The following PTK7 variants were observed in gnomAD, a reference collection of about 807,000 sequenced individuals.
PTK7 encodes protein tyrosine kinase 7 (inactive).
Under a neutral mutation model 116.6 loss-of-function variants are expected in PTK7, and 39 were observed. That is an observed-to-expected ratio of 0.33 (90% CI 0.26 to 0.44). The LOEUF is 0.44. Ranked by LOEUF, PTK7 falls within the 20% of genes least tolerant of loss-of-function variation. The pLI is 1.00. For synonymous variants in PTK7, 546 were observed against 563.6 expected, an observed-to-expected ratio of 0.97 and a Z score of 0.44; for missense variants, 1,169 against 1,425.6, an observed-to-expected ratio of 0.82 and a Z score of 2.90.
At chr6:43,159,539 T>C (rs1771711480) in intron 18 of PTK7, 1 of 559,852 alleles carries the variant, frequency 1.8e-6, no homozygotes, top group African/African-American at 1.9e-5. Flanking sequence ...TATTAACTTT[T>C]CTGTTAACAT....
intron 1 of PTK7, among the ~76,000 whole-genome samples, chr6:43,115,927 CAA>C (rs886959744): frequency 1.5e-4 from 4 of 27,330 alleles, no homozygotes; most frequent in African/African-American, 1.6e-4. Flanking sequence ...GACTCCATCT[CAA>C]AAAAAAAAAA....
chr6:43,121,897 T>C (rs1417302561), intron 1 of PTK7, among the ~76,000 whole-genome samples: 1 of 152,196 alleles, frequency 6.6e-6, no homozygotes, highest in Non-Finnish European at 1.5e-5. Context: ...CCTAGCACTT[T>C]GGGAGGCTGA....
At position 43,158,917 on chromosome 6, in the gene PTK7, A is replaced by G; in HGVS notation, c.2822A>G (p.Gln941Arg). Residue 941 changes from glutamine to arginine, a missense_variant, in exon 18 of 20, where the codon CAG (glutamine) becomes CGG (arginine). Transcript: ENST00000230419. ...LAARNCLVSA[Q>R]RQVKVSALGL... Reference sequence around the variant, plus strand: ...GCGCGTAACTGCCTGGTCAGTGCCCAGAGACAAGTGAAGGTGTCTGCCCTG... The same window carrying G: ...GCGCGTAACTGCCTGGTCAGTGCCCGGAGACAAGTGAAGGTGTCTGCCCTG... The G allele has an allele frequency of 1.2e-6, 2 of 1,614,230 alleles. No individual in the cohort carries two copies. The highest frequency in any genetic ancestry group is 1.7e-6 in the Non-Finnish European group (2 of 1,180,042).
At chr6:43,115,517 G>A (rs889363575) in intron 1 of PTK7, among the ~76,000 whole-genome samples, 2 of 152,082 alleles carry the variant, frequency 1.3e-5, no homozygotes, top group Non-Finnish European at 2.9e-5. Context: ...AACCATGGCT[G>A]CAGTTGATGG....
chr6:43,128,513 G>T (rs1000400096), intron 1 of PTK7, among the ~76,000 whole-genome samples: 1 of 152,224 alleles, frequency 6.6e-6, no homozygotes, highest in Admixed American at 6.5e-5. Context: ...GGCTGGGCGT[G>T]GTGGCTCACG....
intron 1 of PTK7, among the ~76,000 whole-genome samples, chr6:43,102,067 G>A (rs1582092950): frequency 6.6e-6 from 1 of 152,008 alleles, no homozygotes; most frequent in East Asian, 1.9e-4. Context: ...GACCCTCTGT[G>A]TCTTGCAGTT....
intron 1 of PTK7, among the ~76,000 whole-genome samples, chr6:43,118,862 G>T (rs1035385672): frequency 1.3e-5 from 2 of 149,376 alleles, no homozygotes; most frequent in African/African-American, 2.5e-5. Flanking sequence ...TCCACCTCCC[G>T]GGTTCAAGCC....
rs1198801185 is a variant in PTK7 at position 43,132,529 on chromosome 6, A to G, written c.1070A>G (p.Glu357Gly). ...CTGCCAGAGCCCAGCGTGTGGTGGG[A>G]GCACGCGGGAGTCCGGCTGCCCACC... ...KGLPEPSVWW[E>G]HAGVRLPTHG... The change falls in exon 7 of 20, where the codon GAG (glutamate) becomes GGG (glycine). Residue 357 changes from glutamate (E) to glycine (G), a missense_variant. Coordinates refer to ENST00000230419, the MANE Select transcript of PTK7 (RefSeq NM_002821.5). 1 of 1,613,286 alleles carries G rather than the reference A, an allele frequency of 6.2e-7. No homozygotes were observed. Among genetic ancestry groups the G allele is most frequent in the African/African-American group, 1.3e-5 (1 of 74,920 alleles).
chr6:43,116,223 C>T (rs915597192), intron 1 of PTK7, among the ~76,000 whole-genome samples: 1 of 152,152 alleles, frequency 6.6e-6, no homozygotes, highest in African/African-American at 2.4e-5. Flanking sequence ...ACACTGTGTT[C>T]CCCAAAGGAA....
Position 43,139,276 on chromosome 6 carries a change from G to A in PTK7, c.1498+5G>A. On this transcript the variant is annotated splice_donor_5th_base_variant and intron_variant, in intron 9 of 19. Transcript: ENST00000230419. The surrounding 1 kb of genome is among the most constrained non-coding windows in gnomAD (Gnocchi z 4.6). ...AAGCCCGTGTCCAAGTGCTGGGTGA[G>A]CCAGCATGTCTTGGGGGAGCACCCT... 1 of 1,614,274 alleles carries A rather than the reference G, an allele frequency of 6.2e-7. No individual in the cohort carries two copies. Among genetic ancestry groups the A allele is most frequent in the South Asian group, 1.1e-5 (1 of 91,086 alleles).
At chr6:43,088,227 AC>A (rs1766763647) in intron 1 of PTK7, among the ~76,000 whole-genome samples, 1 of 148,494 alleles carries the variant, frequency 6.7e-6, no homozygotes, top group South Asian at 2.2e-4. Context: ...GATCACTTGA[AC>A]CTGGGAGGTC....
Position 43,141,639 on chromosome 6 carries a change from C to G in PTK7, c.1619-29C>G, listed in dbSNP as rs377632772. 3 of 1,609,174 alleles carry G rather than the reference C, an allele frequency of 1.9e-6. No individual in the cohort carries two copies. In the African/African-American group the frequency reaches 4.0e-5, roughly 22 times the overall value. On this transcript the variant is annotated intron_variant, in intron 10 of 19. Coordinates refer to ENST00000230419, the MANE Select transcript of PTK7 (RefSeq NM_002821.5). This position sits in a 1 kb window ranked among gnomAD's most constrained non-coding sequence, Gnocchi z 4.9. ...AGCTGTCTGTGTAACCCTGATCCTTCCCATAATTTCCCTTTGTTACCCCTG... is the reference window on the plus strand; with the variant it reads ...AGCTGTCTGTGTAACCCTGATCCTTGCCATAATTTCCCTTTGTTACCCCTG...
chr6:43,097,258 A>T (rs925680731), intron 1 of PTK7, among the ~76,000 whole-genome samples: 1 of 151,536 alleles, frequency 6.6e-6, no homozygotes, highest in Admixed American at 6.6e-5. Context: ...TGCTGTCTGT[A>T]CTCCCTCACC....
chr6:43,159,559 G>A (rs1028728715), intron 18 of PTK7: 9 of 581,590 alleles, frequency 1.5e-5, no homozygotes, highest in Admixed American at 3.1e-5. Context: ...TTTAGGCAAA[G>A]TTTGATTCTT....
chr6:43,088,616 TG>T (rs1766785588), intron 1 of PTK7, among the ~76,000 whole-genome samples: 2 of 152,178 alleles, frequency 1.3e-5, no homozygotes, highest in South Asian at 4.1e-4. Context: ...GGCTTGAGCC[TG>T]GGAGGCAGAG....
rs780367272 is a variant in PTK7 at position 43,160,684 on chromosome 6, G to A, written c.3053-37G>A. The A allele has an allele frequency of 7.5e-6, 12 of 1,608,218 alleles. No individual in the cohort carries two copies. The South Asian group carries it at 1.3e-4, about 18-fold the overall frequency. ...CAAAGTGTTGAACAAGTTGTTGAAT[G>A]TTTTGGCCAACACTGCACCTGCTGT... is the stretch of plus-strand genomic sequence containing the variant. On this transcript the variant is annotated intron_variant, in intron 19 of 19. Transcript: ENST00000230419.
intron 1 of PTK7, among the ~76,000 whole-genome samples, chr6:43,115,061 C>CA (rs34508576): frequency 6.6e-6 from 1 of 150,782 alleles, no homozygotes. Context: ...AAAAACTTTA[C>CA]AAAAAAATAA....
At position 43,129,467 on chromosome 6, in the gene PTK7, G is replaced by T; in HGVS notation, c.367+203G>T. 2 of 825,212 alleles carry T rather than the reference G, an allele frequency of 2.4e-6. No individual in the cohort carries two copies. Among genetic ancestry groups the T allele is most frequent in the South Asian group, 1.9e-5 (1 of 53,354 alleles). The allele number at this position is 825,212 out of a possible 1,614,324, so 51.1% of individuals were successfully genotyped here. A position where few individuals can be genotyped will look rare whatever the true frequency, so the allele number is the denominator to read the frequency against. On this transcript the variant is annotated intron_variant, in intron 2 of 19. Transcript: ENST00000230419. This position sits in a 1 kb window ranked among gnomAD's most constrained non-coding sequence, Gnocchi z 4.5. ...TCCAAAATTTTTTCCTTCAAGTCTG[G>T]GACCCATTTATCTGCTGCATGCTTG... is the stretch of plus-strand genomic sequence containing the variant.
At chr6:43,104,506 G>T (rs1235175974) in intron 1 of PTK7, among the ~76,000 whole-genome samples, 1 of 152,152 alleles carries the variant, frequency 6.6e-6, no homozygotes, top group Non-Finnish European at 1.5e-5. Flanking sequence ...TGCCCCCTGG[G>T]AGGGAGTAAT....
Sources: gnomAD v4.1 joint callset for allele counts (sites outside exome capture counted in the v4.1 genomes callset) on GRCh38, gnomAD v4.1.1 for gene constraint, Gnocchi (gnomAD v3.1) non-coding constraint, MANE v1.5 for transcripts, NCBI Gene and HGNC (gene_info 2026-07-23, HGNC 2026-07-21) for gene names.